Variants in SLC31A1 observed in about 807,000 individuals in gnomAD.
The protein encoded by SLC31A1 is solute carrier family 31 member 1, also known as high affinity copper uptake protein 1.
SLC31A1 carries 5 observed loss-of-function variants against 17.2 expected under a neutral mutation model. The observed-to-expected ratio is 0.29, with a 90% CI of 0.15 to 0.61. The LOEUF (loss-of-function observed/expected upper bound fraction) is 0.61. Among genes scored for constraint, SLC31A1 ranks in the 20% least tolerant of loss-of-function variants. The probability of loss-of-function intolerance (pLI) is 0.86; values close to 1 mark genes in which losing one functional copy is unlikely to be tolerated. For synonymous variants in SLC31A1, 76 were observed against 78.8 expected, an observed-to-expected ratio of 0.96 and a Z score of 0.19; for missense variants, 161 against 241.4, an observed-to-expected ratio of 0.67 and a Z score of 2.21.
At chr9:113,254,598 A>G (rs1027162723) in intron 1 of SLC31A1, among the ~76,000 whole-genome samples, 3 of 152,160 alleles carry the variant, frequency 2.0e-5, no homozygotes, top group Non-Finnish European at 2.9e-5. Context: ...AACTCTAGCT[A>G]TAGGAGTTAT....
intron 1 of SLC31A1, among the ~76,000 whole-genome samples, chr9:113,235,024 C>G (rs1831440453): frequency 6.6e-6 from 1 of 152,034 alleles, no homozygotes; most frequent in South Asian, 2.1e-4. Context: ...GTTCGTTCAT[C>G]TAAAGACACA....
intron 2 of SLC31A1, 127 bp downstream of exon 2, chr9:113,256,404 G>A: frequency 9.3e-7 from 1 of 1,077,222 alleles, no homozygotes; most frequent in Non-Finnish European, 1.3e-6. Context: ...AACTAAAGCA[G>A]ACCCAAGCAA....
intron 4 of SLC31A1, among the ~76,000 whole-genome samples, chr9:113,259,330 G>T (rs1158295900): frequency 6.6e-6 from 1 of 152,130 alleles, no homozygotes; most frequent in African/African-American, 2.4e-5. Context: ...ATTGGCAAAT[G>T]TTTTTTGAGA....
Position 113,242,014 on chromosome 9 carries a change from C to G in SLC31A1, c.-35-14100C>G, listed in dbSNP as rs183774814. 2.6e-5 allele frequency among the ~76,000 whole-genome samples: 4 copies of G among 152,186 alleles called. No homozygotes were observed. In the East Asian group the frequency reaches 5.8e-4, roughly 22 times the overall value. On this transcript the variant is annotated intron_variant, in intron 1 of 4. Transcript: ENST00000374212. ...ACCATCCTGGCTAACATGGTGAAAC[C>G]CCATCTCTACTAAAAATACAAACAA...
intron 2 of SLC31A1, among the ~76,000 whole-genome samples, chr9:113,256,764 GGCAGGAGAATC>G (rs1267549323): frequency 2.0e-5 from 3 of 152,094 alleles, no homozygotes; most frequent in African/African-American, 7.2e-5. Context: ...GGGAGGCTGA[GGCAGGAGAATC>G]GCTTGAACCC....
At chr9:113,256,627 C>T in intron 2 of SLC31A1, 3 of 261,918 alleles carry the variant, frequency 1.1e-5, no homozygotes, top group Non-Finnish European at 1.5e-5. Context: ...TTTGGGAGGC[C>T]AAGGCAGGTG....
chr9:113,237,690 C>T (rs747002429), intron 1 of SLC31A1, among the ~76,000 whole-genome samples: 1 of 152,156 alleles, frequency 6.6e-6, no homozygotes, highest in Non-Finnish European at 1.5e-5. Flanking sequence ...AGTTTTCCAT[C>T]TGAAAAATGA....
rs536690116 is a variant in SLC31A1 at position 113,260,244 on chromosome 9, G to T, written c.372-28G>T. 5 of 1,605,832 alleles carry T rather than the reference G, an allele frequency of 3.1e-6. No individual in the cohort carries two copies. In the South Asian group the frequency reaches 5.5e-5, roughly 18 times the overall value. ...ATCTGCAGAACTCCTAGGAGTCCCT[G>T]ATTGTTGTGTCCCTGTTTACTCTCC... On this transcript the variant is annotated intron_variant, in intron 4 of 4. Transcript: ENST00000374212.
chr9:113,224,852 C>T (rs1305548601), intron 1 of SLC31A1, among the ~76,000 whole-genome samples: 1 of 152,190 alleles, frequency 6.6e-6, no homozygotes, highest in Admixed American at 6.5e-5. Context: ...TGCTTTGCCA[C>T]TTATTAGTTG....
chr9:113,222,092 C>A (rs951276453), intron 1 of SLC31A1, among the ~76,000 whole-genome samples: 4 of 152,200 alleles, frequency 2.6e-5, no homozygotes, highest in Non-Finnish European at 4.4e-5. Context: ...GATTCCTCGT[C>A]CTTTGATTCA....
intron 1 of SLC31A1, among the ~76,000 whole-genome samples, chr9:113,254,022 T>G (rs1831692458): frequency 7.3e-6 from 1 of 137,046 alleles, no homozygotes; most frequent in Admixed American, 8.3e-5. Context: ...TAGTCCAACC[T>G]TGACTCACTG....
At chr9:113,248,536 C>A (rs1370143838) in intron 1 of SLC31A1, among the ~76,000 whole-genome samples, 1 of 129,428 alleles carries the variant, frequency 7.7e-6, no homozygotes, top group Non-Finnish European at 1.5e-5. Context: ...ATGGTGCAGT[C>A]TCAGCTCACT....
intron 1 of SLC31A1, among the ~76,000 whole-genome samples, chr9:113,226,421 A>T (rs1395962507): frequency 6.6e-6 from 1 of 152,156 alleles, no homozygotes; most frequent in East Asian, 1.9e-4. Flanking sequence ...AATACATTAC[A>T]ATGAACAGTT....
intron 1 of SLC31A1, 146 bp from the exon 2 acceptor site, chr9:113,255,968 G>C: frequency 1.8e-6 from 1 of 563,492 alleles, no homozygotes; most frequent in Non-Finnish European, 3.0e-6. Context: ...CAAAACTCCT[G>C]TACTGATCAG....
chr9:113,240,976 G>A (rs1326048878), intron 1 of SLC31A1, among the ~76,000 whole-genome samples: 1 of 151,436 alleles, frequency 6.6e-6, no homozygotes, highest in East Asian at 1.9e-4. Context: ...CTTGAACCCA[G>A]GAGGTGGAAG....
intron 1 of SLC31A1, among the ~76,000 whole-genome samples, chr9:113,228,401 G>A (rs1050209454): frequency 2.0e-5 from 3 of 152,198 alleles, no homozygotes; most frequent in Admixed American, 1.3e-4. Context: ...AAGTAGCTGG[G>A]AGATCCACTC....
intron 1 of SLC31A1, among the ~76,000 whole-genome samples, chr9:113,238,064 A>G (rs1190942438): frequency 6.6e-6 from 1 of 152,146 alleles, no homozygotes; most frequent in African/African-American, 2.4e-5. Flanking sequence ...CCCATTCATT[A>G]TCTTATTTGA....
intron 1 of SLC31A1, among the ~76,000 whole-genome samples, chr9:113,236,530 A>G (rs995454641): frequency 6.6e-6 from 1 of 150,738 alleles, no homozygotes; most frequent in African/African-American, 2.4e-5. Flanking sequence ...CGCCCGGCTA[A>G]TTTTTGTATT....
intron 1 of SLC31A1, among the ~76,000 whole-genome samples, chr9:113,231,361 C>T (rs1281619375): frequency 2.0e-5 from 3 of 152,066 alleles, no homozygotes; most frequent in Non-Finnish European, 4.4e-5. Flanking sequence ...GGCTGGAGTT[C>T]AAGACCAGCC....
Sources: allele counts gnomAD v4.1 joint callset (sites outside exome capture counted in the v4.1 genomes callset), GRCh38; gene constraint gnomAD v4.1.1; transcripts MANE v1.5; gene names NCBI Gene and HGNC (gene_info 2026-07-23, HGNC 2026-07-21).